DNAH2: variants seen among roughly 807,000 people sequenced by gnomAD.
The protein encoded by DNAH2 is axonemal beta dynein heavy chain 2.
In DNAH2, 323 loss-of-function variants were observed where a neutral mutation model predicts 523.5. The observed-to-expected ratio is 0.62, with a 90% confidence interval of 0.56 to 0.68. The LOEUF is 0.68. Among genes scored for constraint, DNAH2 ranks in the 30% least tolerant of loss-of-function variants. The pLI, the probability that DNAH2 is intolerant of heterozygous loss-of-function variation, is 0.00. For synonymous variants in DNAH2, 2,093 were observed against 2,177.4 expected, an observed-to-expected ratio of 0.96 and a Z score of 1.08; for missense variants, 4,907 against 5,701.5, an observed-to-expected ratio of 0.86 and a Z score of 4.49.
chr17:7,793,783 C>T (rs1260600925), intron 48 of DNAH2, among the ~76,000 whole-genome samples: 1 of 151,902 alleles, frequency 6.6e-6, no homozygotes, highest in Non-Finnish European at 1.5e-5. Flanking sequence ...TAATCAGCGG[C>T]CATCGCGGCC....
intron 73 of DNAH2, 54 bp from the exon 74 acceptor site, chr17:7,823,388 T>C: frequency 6.6e-7 from 1 of 1,524,258 alleles, no homozygotes; most frequent in Non-Finnish European, 9.0e-7. Context: ...AAGATCACTC[T>C]TCTTTTGAAG....
intron 42 of DNAH2, 166 bp downstream of exon 42, chr17:7,787,199 C>T (rs1567697700): frequency 7.0e-6 from 6 of 856,148 alleles, no homozygotes; most frequent in African/African-American, 1.7e-5. Flanking sequence ...AAGAAAAATG[C>T]TTTGCTTGCC....
chr17:7,749,057 C>G (rs2075594152), intron 12 of DNAH2, among the ~76,000 whole-genome samples: 1 of 150,668 alleles, frequency 6.6e-6, no homozygotes, highest in African/African-American at 2.4e-5. Context: ...ATCTGTAATC[C>G]CAGCACTTTG....
At chr17:7,812,433 C>T (rs1026836003) in intron 63 of DNAH2, among the ~76,000 whole-genome samples, 1 of 151,886 alleles carries the variant, frequency 6.6e-6, no homozygotes, top group Admixed American at 6.6e-5. Context: ...GCCTGGGCAA[C>T]ATAGAGAGAC....
chr17:7,758,441 G>A, intron 13 of DNAH2, 54 bp from the exon 14 acceptor site: 1 of 1,569,214 alleles, frequency 6.4e-7, no homozygotes, highest in Non-Finnish European at 8.6e-7. Context: ...CTGAAGTGGA[G>A]GAAAGATCTT....
rs368019673 is a variant in DNAH2, at chr17:7,824,143, G to T, written c.11501G>T (p.Arg3834Leu). Residue 3834 changes from arginine to leucine, a missense_variant, in exon 76 of 86, where the codon CGA becomes CTA. By Grantham distance (102) the Arg-to-Leu change is moderately radical. Around this residue, in one of 3 missense-constraint regions of DNAH2, gnomAD observed 1,851 missense variants for 2,139.4 expected, o/e 0.87. Transcript: ENST00000572933. The part of the protein sequence containing the change: ...MKSVLEDSTP[R>L]SPLVFILSPG... The stretch of plus-strand genomic sequence containing the variant: ...CAGGTGCTGGAGGATTCAACCCCAC[G>T]ATCCCCACTCGTGTTCATCCTGTCC... 6.4e-7 allele frequency: 1 copy of T among 1,565,886 alleles called. No individual in the cohort carries two copies. Among genetic ancestry groups the T allele is most frequent in the East Asian group, 2.2e-5 (1 of 44,474 alleles).
chr17:7,818,484 C>T (rs764877329), intron 69 of DNAH2, 24 bp downstream of exon 69: 1 of 1,613,420 alleles, frequency 6.2e-7, no homozygotes, highest in Non-Finnish European at 8.5e-7. Flanking sequence ...GAGGTCCAGA[C>T]TGAGCTAGGG....
intron 12 of DNAH2, among the ~76,000 whole-genome samples, chr17:7,751,920 G>GGGGGGTGT (rs111751776): frequency 7.1e-4 from 103 of 145,992 alleles, no homozygotes; most frequent in Non-Finnish European, 1.1e-3. Context: ...ATAGTTGTGG[G>GGGGGGTGT]GTGTGTGTGT....
At chr17:7,830,595 C>A in intron 78 of DNAH2, 63 bp from the exon 79 acceptor site, 1 of 1,608,622 alleles carries the variant, frequency 6.2e-7, no homozygotes, top group Non-Finnish European at 8.5e-7. Context: ...TGTGTTGAAG[C>A]CCCATTGGCA....
intron 12 of DNAH2, among the ~76,000 whole-genome samples, chr17:7,746,743 T>C (rs2151168376): frequency 6.6e-6 from 1 of 152,248 alleles, no homozygotes; most frequent in African/African-American, 2.4e-5. Context: ...TCCTAGCACT[T>C]TGGGAGGCCA....
intron 76 of DNAH2, 72 bp from the exon 77 acceptor site, chr17:7,824,465 C>A: frequency 7.0e-7 from 1 of 1,424,088 alleles, no homozygotes; most frequent in Non-Finnish European, 9.3e-7. Context: ...CCCACCCCAA[C>A]ACCAGGTGGA....
chr17:7,727,600 A>G (rs1030806233), intron 4 of DNAH2, among the ~76,000 whole-genome samples: 2 of 152,090 alleles, frequency 1.3e-5, no homozygotes, highest in African/African-American at 4.8e-5. Flanking sequence ...TACTAAAAAT[A>G]CAAAAATTAG....
chr17:7,792,157 C>A, intron 45 of DNAH2, 88 bp downstream of exon 45: 1 of 1,601,090 alleles, frequency 6.2e-7, no homozygotes, highest in Non-Finnish European at 8.5e-7. Context: ...GGGTTTCCCT[C>A]TCTCTTTCTT....
At position 7,832,967 on chromosome 17, in the gene DNAH2, G is replaced by T. The variant is rs369654098; in HGVS notation, c.12978+39G>T. On this transcript the variant is annotated intron_variant, in intron 84 of 85. Transcript: ENST00000572933. This position sits in a 1 kb window ranked among gnomAD's most constrained non-coding sequence, Gnocchi z 4.3. Reference sequence around the variant, plus strand: ...GTGCTTGGGGCTCTGAGCAAAAGAGGGTACTGGAAATAATTGGACGAAAAG... The same window carrying T: ...GTGCTTGGGGCTCTGAGCAAAAGAGTGTACTGGAAATAATTGGACGAAAAG... The T allele has an allele frequency of 1.2e-6, 2 of 1,613,884 alleles. No homozygotes were observed. The highest frequency in any genetic ancestry group is 1.7e-6 in the Non-Finnish European group (2 of 1,179,958).
At chr17:7,816,429 C>A in intron 63 of DNAH2, 142 bp from the exon 64 acceptor site, 1 of 945,986 alleles carries the variant, frequency 1.1e-6, no homozygotes, top group Non-Finnish European at 1.6e-6. Context: ...TATTCTTTTA[C>A]AACATGAGGA....
chr17:7,727,271 A>T lies in DNAH2; in HGVS notation c.378A>T (p.Leu126=), dbSNP rs74527020. The change falls in exon 4 of 86, where the codon CTA becomes CTT. Residue 126 remains leucine (L), a synonymous_variant. Coordinates refer to ENST00000572933, the MANE Select transcript of DNAH2 (RefSeq NM_020877.5). The stretch of plus-strand genomic sequence containing the variant: ...TTGACCCTTGTTTTGGGCTGAAGCT[A>T]GAGCTGGGCATGCCTGTACAGGTGC... The part of the protein sequence containing the change: ...IFIDPCFGLK[L]ELGMPVQTQN... 3.6e-4 allele frequency: 579 copies of T among 1,612,256 alleles called. 7 individuals carry two copies. The East Asian group carries it at 0.013, about 36-fold the overall frequency.
chr17:7,745,152 G>A (rs1323791995), intron 12 of DNAH2, among the ~76,000 whole-genome samples: 26 of 151,954 alleles, frequency 1.7e-4, no homozygotes, highest in Admixed American at 1.6e-3. Flanking sequence ...CCGCCACCAC[G>A]CCCGGCTAAT....
Position 7,791,837 on chromosome 17 carries a change from C to T in DNAH2, c.6901-80C>T, listed in dbSNP as rs1232983784. ...GAAGGAGGAAGACCCAGGCTTTCCA[C>T]ACTCTGGTGTCACGAGTCTGCCAGA... On this transcript the variant is annotated intron_variant, in intron 44 of 85. Transcript: ENST00000572933. The T allele has an allele frequency of 6.5e-6, 9 of 1,393,406 alleles. No individual in the cohort carries two copies. The African/African-American group carries it at 8.7e-5, about 13-fold the overall frequency. The allele number at this position is 1,393,406 out of a possible 1,614,324, so 86.3% of individuals were successfully genotyped here.
chr17:7,787,389 G>A, intron 42 of DNAH2: 1 of 351,638 alleles, frequency 2.8e-6, no homozygotes, highest in Non-Finnish European at 5.2e-6. Flanking sequence ...AACAATGCGA[G>A]CAAGAGAGTG....
Sources: gnomAD v4.1 joint callset for allele counts (sites outside exome capture counted in the v4.1 genomes callset) on GRCh38, gnomAD v4.1.1 for gene constraint, gnomAD v4.1.1 regional missense constraint, Gnocchi (gnomAD v3.1) non-coding constraint, MANE v1.5 for transcripts, NCBI Gene and HGNC (gene_info 2026-07-23, HGNC 2026-07-21) for gene names.